UTRN: variants seen among roughly 807,000 people sequenced by gnomAD.
The protein encoded by UTRN is utrophin.
Under a neutral mutation model 463.9 loss-of-function variants are expected in UTRN, and 283 were observed. The ratio of observed to expected loss-of-function variants is 0.61; its 90% CI spans 0.55 to 0.67. UTRN has a LOEUF of 0.67. Ranked by LOEUF, UTRN falls within the 30% of genes least tolerant of loss-of-function variation. UTRN has a pLI of 0.00. For missense variants in UTRN, 3,922 were observed against 4,084.3 expected (o/e 0.96, Z 1.08); for synonymous variants, 1,442 against 1,431.5 (o/e 1.01, Z -0.17).
intron 19 of UTRN, among the ~76,000 whole-genome samples, chr6:144,458,036 T>C (rs1789046262): frequency 6.6e-6 from 1 of 152,228 alleles, no homozygotes; most frequent in Non-Finnish European, 1.5e-5. Context: ...TATATGACTT[T>C]ATTATTTTTA....
At chr6:144,661,394 C>G (rs930421237) in intron 51 of UTRN, among the ~76,000 whole-genome samples, 2 of 152,148 alleles carry the variant, frequency 1.3e-5, no homozygotes, top group African/African-American at 4.8e-5. Context: ...TCCCTCCTGG[C>G]TGCAGTTGCT....
intron 4 of UTRN, among the ~76,000 whole-genome samples, chr6:144,423,266 G>C (rs1785002856): frequency 1.3e-5 from 2 of 152,302 alleles, no homozygotes; most frequent in Admixed American, 6.5e-5. Flanking sequence ...ACACTCTTTG[G>C]GGGTGGGGTT....
At chr6:144,835,682 A>G in intron 69 of UTRN, 98 bp from the exon 70 acceptor site, 1 of 1,520,248 alleles carries the variant, frequency 6.6e-7, no homozygotes, top group Non-Finnish European at 8.8e-7. Context: ...AACTTGGCCC[A>G]GCCACTATCC....
At chr6:144,719,606 A>T (rs1562813331) in intron 53 of UTRN, among the ~76,000 whole-genome samples, 2 of 152,146 alleles carry the variant, frequency 1.3e-5, no homozygotes, top group African/African-American at 4.8e-5. Context: ...AGAAAATTTG[A>T]AGCAAAAGCC....
In UTRN at chr6:144,341,117, C is replaced by T. The variant is rs1025001925; in HGVS notation, c.79+49210C>T. On this transcript the variant is annotated intron_variant, in intron 2 of 74. Coordinates refer to ENST00000367545, the MANE Select transcript of UTRN (RefSeq NM_007124.3). ...TTCTATTTGACATATGAAAGTTCAA[C>T]GGTCAATTTCATAGTCAGCTCCACG... is the stretch of plus-strand genomic sequence containing the variant. 2.0e-5 allele frequency among the ~76,000 whole-genome samples: 3 copies of T among 152,124 alleles called. 1 individual carries two copies. Among genetic ancestry groups the T allele is most frequent in the African/African-American group, 4.8e-5 (2 of 41,400 alleles).
intron 2 of UTRN, among the ~76,000 whole-genome samples, chr6:144,377,606 C>G (rs1168051710): frequency 2.0e-5 from 3 of 152,076 alleles, no homozygotes; most frequent in Admixed American, 2.0e-4. Context: ...TACCGGAGTG[C>G]CATTATTAAC....
Position 144,571,451 on chromosome 6 carries a change from C to T in UTRN, c.7290-5648C>T, listed in dbSNP as rs566507708. Among the ~76,000 whole-genome samples, 4 of 152,320 alleles carry T rather than the reference C, an allele frequency of 2.6e-5. No individual in the cohort carries two copies. In the East Asian group the frequency reaches 7.7e-4, roughly 29 times the overall value. On this transcript the variant is annotated intron_variant, in intron 50 of 74. Coordinates refer to ENST00000367545, the MANE Select transcript of UTRN (RefSeq NM_007124.3). ...AGTCCCCTTCCTAGAGGCAACTATT[C>T]TCCTTACCTTCTTCTATCATTTTTA...
chr6:144,510,833 G>A (rs572700794), intron 34 of UTRN, 111 bp from the exon 35 acceptor site: 4 of 892,224 alleles, frequency 4.5e-6, no homozygotes, highest in Non-Finnish European at 4.6e-6. Context: ...TATATAGGGA[G>A]TCATGGACTA....
In UTRN at chr6:144,462,765, G is replaced by A. The variant is rs761154532; in HGVS notation, c.2965G>A (p.Glu989Lys). The A allele has an allele frequency of 1.9e-6, 3 of 1,611,862 alleles. No individual in the cohort carries two copies. The highest frequency in any genetic ancestry group is 1.7e-5 in the Admixed American group (1 of 59,564). The change falls in exon 23 of 75, where the codon GAA (glutamate) becomes AAA (lysine). Residue 989 changes from glutamate to lysine, a missense_variant. Glu to Lys is a moderately conservative substitution (Grantham distance 56). Transcript: ENST00000367545. ...TGATGTAGAAAAATTATATAAGCAAGAATTTGATGATGTGCAAGGAAAGTG... is the reference window on the plus strand; with the variant it reads ...TGATGTAGAAAAATTATATAAGCAAAAATTTGATGATGTGCAAGGAAAGTG... ...HPDVEKLYKQ[E>K]FDDVQGKWNK... is the part of the protein sequence containing the mutation.
intron 51 of UTRN, among the ~76,000 whole-genome samples, chr6:144,627,302 T>A (rs986961001): frequency 1.3e-5 from 2 of 152,210 alleles, no homozygotes; most frequent in South Asian, 4.1e-4. Context: ...AAGGGAGTAA[T>A]AGCTGTTACA....
chr6:144,451,097 G>A (rs867312207), intron 17 of UTRN, among the ~76,000 whole-genome samples: 1 of 152,062 alleles, frequency 6.6e-6, no homozygotes, highest in East Asian at 1.9e-4. Flanking sequence ...GGGTGACAGG[G>A]CGAGACTCCA....
chr6:144,832,352 T>C (rs1169184865), intron 69 of UTRN, among the ~76,000 whole-genome samples: 1 of 152,188 alleles, frequency 6.6e-6, no homozygotes, highest in Non-Finnish European at 1.5e-5. Flanking sequence ...GATACCATAA[T>C]GAAAGAATGC....
At chr6:144,359,970 T>C (rs766684911) in intron 2 of UTRN, among the ~76,000 whole-genome samples, 12 of 152,134 alleles carry the variant, frequency 7.9e-5, no homozygotes, top group Non-Finnish European at 1.3e-4. Flanking sequence ...GTGATATATG[T>C]CCTGTAACAG....
At chr6:144,838,797 G>A (rs1430343099) in intron 71 of UTRN, among the ~76,000 whole-genome samples, 1 of 152,178 alleles carries the variant, frequency 6.6e-6, no homozygotes, top group Non-Finnish European at 1.5e-5. Context: ...TCTCAATATT[G>A]CCTTGGAGTA....
At chr6:144,748,572 C>T (rs1375463912) in intron 55 of UTRN, 58 bp downstream of exon 55, 17 of 1,563,034 alleles carry the variant, frequency 1.1e-5, no homozygotes, top group Non-Finnish European at 1.5e-5. Context: ...AAATATAACA[C>T]AAATAAAGAG....
chr6:144,305,084 A>T (rs1584214016), intron 2 of UTRN, among the ~76,000 whole-genome samples: 1 of 152,060 alleles, frequency 6.6e-6, no homozygotes, highest in East Asian at 1.9e-4. Flanking sequence ...GGCATATACC[A>T]TCATGCCCAG....
chr6:144,613,245 A>C (rs183432607), intron 51 of UTRN, among the ~76,000 whole-genome samples: 1 of 152,182 alleles, frequency 6.6e-6, no homozygotes, highest in Non-Finnish European at 1.5e-5. Context: ...ATTGTTGATC[A>C]AAGGCTACAA....
chr6:144,436,099 T>C lies in UTRN; in HGVS notation c.1020T>C (p.Asp340=), dbSNP rs1786507770. ...TCCAGGAGCAGGATGATATTTCTGA[T>C]GATGTTGAAGAAGTCAAAGACCAGT... is the stretch of plus-strand genomic sequence containing the variant. The part of the protein sequence containing the change: ...DTFQEQDDIS[D]DVEEVKDQFA... Residue 340 remains aspartate, a synonymous_variant, in exon 10 of 75, where the codon GAT becomes GAC. Transcript: ENST00000367545. 2.5e-6 allele frequency: 4 copies of C among 1,614,054 alleles called. No individual in the cohort carries two copies. Among genetic ancestry groups the C allele is most frequent in the Non-Finnish European group, 3.4e-6 (4 of 1,180,052 alleles).
intron 51 of UTRN, among the ~76,000 whole-genome samples, chr6:144,617,995 CTGTAT>C (rs1317262222): frequency 6.6e-6 from 1 of 152,118 alleles, no homozygotes; most frequent in Non-Finnish European, 1.5e-5. Flanking sequence ...TTTCCTTTGA[CTGTAT>C]TGTATTGTTT....
Sources: gnomAD v4.1 joint callset for allele counts (sites outside exome capture counted in the v4.1 genomes callset) on GRCh38, gnomAD v4.1.1 for gene constraint, MANE v1.5 for transcripts, NCBI Gene and HGNC (gene_info 2026-07-23, HGNC 2026-07-21) for gene names.